MTTP: variants seen among roughly 807,000 people sequenced by gnomAD.
MTTP encodes the protein microsomal triglyceride transfer protein large subunit.
MTTP carries 49 observed loss-of-function variants against 90.6 expected under a neutral mutation model. That is an observed-to-expected ratio of 0.54 (90% CI 0.43 to 0.69). The LOEUF (loss-of-function observed/expected upper bound fraction) is 0.69. Among genes scored for constraint, MTTP ranks in the 30% least tolerant of loss-of-function variants. The pLI is 0.00. For missense variants in MTTP, 945 were observed against 1,067.5 expected (o/e 0.89, Z 1.60); for synonymous variants, 347 against 384.2 (o/e 0.90, Z 1.13).
chr4:99,600,654 G>A lies in MTTP; in HGVS notation c.1157G>A (p.Ser386Asn). ...LDFLDFKSDS[S>N]IILQERFLYA... The stretch of plus-strand genomic sequence containing the variant: ...TTTTTGGATTTCAAAAGTGACAGCA[G>A]CATTATCCTCCAGGAGAGGTTTCTC... Residue 386 changes from serine to asparagine, a missense_variant, in exon 9 of 18, where the codon AGC (serine) becomes AAC (asparagine). Ser to Asn is a conservative substitution (Grantham distance 46). Coordinates refer to ENST00000265517, the MANE Select transcript of MTTP (RefSeq NM_001386140.1). 6.2e-7 allele frequency: 1 copy of A among 1,613,852 alleles called. No individual in the cohort carries two copies. The highest frequency in any genetic ancestry group is 8.5e-7 in the Non-Finnish European group (1 of 1,179,822).
At chr4:99,571,686 T>G (rs1724845700), upstream of MTTP, among the ~76,000 whole-genome samples, 1 of 152,108 alleles carries the variant, frequency 6.6e-6, no homozygotes, top group Admixed American at 6.5e-5. Context: ...TCGTAGAGAA[T>G]TTTTAAACAA....
intron 15 of MTTP, among the ~76,000 whole-genome samples, chr4:99,614,418 A>G (rs1418710737): frequency 6.6e-6 from 1 of 152,242 alleles, no homozygotes; most frequent in African/African-American, 2.4e-5. Flanking sequence ...ATTTGGGATT[A>G]AACAGTGTTA....
chr4:99,572,714 CAT>C (rs1278854200), upstream of MTTP, among the ~76,000 whole-genome samples: 1 of 152,002 alleles, frequency 6.6e-6, no homozygotes, highest in African/African-American at 2.4e-5. Context: ...GTAGTGCTCA[CAT>C]GTTTGCACAG....
rs535831889 is a variant in MTTP, at chr4:99,591,705, A to G, written c.673A>G (p.Ser225Gly). The change falls in exon 6 of 18, where the codon AGC (serine) becomes GGC (glycine). Residue 225 changes from serine to glycine, a missense_variant. Ser to Gly is a moderately conservative substitution (Grantham distance 56). Transcript: ENST00000265517. ...TGTCACCACCTATAAGATAGAAGAC[A>G]GCTTTGTTATAGCTGTGCTTGCTGA... Reference protein sequence around the residue: ...TSVTTYKIEDSFVIAVLAEET... With the variant: ...TSVTTYKIEDGFVIAVLAEET... 2 of 1,613,144 alleles carry G rather than the reference A, an allele frequency of 1.2e-6. No individual in the cohort carries two copies. Among genetic ancestry groups the G allele is most frequent in the African/African-American group, 2.7e-5 (2 of 75,042 alleles).
chr4:99,588,036 C>T (rs1045745434), intron 3 of MTTP, among the ~76,000 whole-genome samples: 1 of 152,080 alleles, frequency 6.6e-6, no homozygotes, highest in African/African-American at 2.4e-5. Flanking sequence ...ATGACTAAAA[C>T]TGATTGCCAG....
intron 2 of MTTP, 151 bp downstream of exon 2, chr4:99,582,243 G>C: frequency 1.2e-6 from 1 of 833,168 alleles, no homozygotes. Flanking sequence ...GTATTTAAAG[G>C]TTTTGCTGAT....
chr4:99,603,714 G>A (rs1045440528), intron 10 of MTTP, among the ~76,000 whole-genome samples: 2 of 152,094 alleles, frequency 1.3e-5, no homozygotes, highest in Admixed American at 1.3e-4. Flanking sequence ...GCCATGTTAA[G>A]TTCAAAATCC....
chr4:99,590,611 C>A (rs892065780), intron 4 of MTTP, among the ~76,000 whole-genome samples: 1 of 151,988 alleles, frequency 6.6e-6, no homozygotes, highest in Non-Finnish European at 1.5e-5. Flanking sequence ...AGGGTTGGAC[C>A]AAAAGAATGT....
intron 4 of MTTP, among the ~76,000 whole-genome samples, chr4:99,590,435 GT>G (rs1471365787): frequency 2.0e-5 from 3 of 152,136 alleles, no homozygotes; most frequent in Non-Finnish European, 4.4e-5. Flanking sequence ...TGGATGCATT[GT>G]CAATGTAGGG....
intron 15 of MTTP, among the ~76,000 whole-genome samples, chr4:99,617,561 G>C (rs1560626857): frequency 6.6e-6 from 1 of 152,126 alleles, no homozygotes; most frequent in Non-Finnish European, 1.5e-5. Context: ...CATCCTGCCG[G>C]TTGCCAGGAA....
At chr4:99,602,148 C>G (rs1725715744) in intron 10 of MTTP, among the ~76,000 whole-genome samples, 1 of 152,096 alleles carries the variant, frequency 6.6e-6, no homozygotes, top group African/African-American at 2.4e-5. Flanking sequence ...TAGAGTAGAA[C>G]TTTGTATATA....
At chr4:99,618,291 C>T (rs1351499815) in intron 15 of MTTP, among the ~76,000 whole-genome samples, 2 of 152,026 alleles carry the variant, frequency 1.3e-5, no homozygotes, top group Admixed American at 1.3e-4. Context: ...AACAAGTTCC[C>T]CTTGGATACT....
Position 99,606,781 on chromosome 4 carries a change from G to A in MTTP, c.1378G>A (p.Gly460Arg). ...GGAAGCTAAGAAGTTAATCCTGGGA[G>A]GACTTGAAAAAGCAGAGAAAAAAGA... ...VVEAKKLILG[G>R]LEKAEKKEDT... The change falls in exon 11 of 18, where the codon GGA (glycine) becomes AGA (arginine). Residue 460 changes from glycine to arginine, a missense_variant. Transcript: ENST00000265517. 1 of 1,613,860 alleles carries A rather than the reference G, an allele frequency of 6.2e-7. No individual in the cohort carries two copies. Among genetic ancestry groups the A allele is most frequent in the Non-Finnish European group, 8.5e-7 (1 of 1,179,970 alleles).
chr4:99,583,698 C>A, intron 3 of MTTP, 181 bp downstream of exon 3: 1 of 733,170 alleles, frequency 1.4e-6, no homozygotes, highest in Non-Finnish European at 2.3e-6. Flanking sequence ...GCCCTGAGTT[C>A]CCTTACATTT....
At chr4:99,571,987 CT>C (rs1211718166), upstream of MTTP, among the ~76,000 whole-genome samples, 1 of 151,714 alleles carries the variant, frequency 6.6e-6, no homozygotes. Context: ...TACATCCTGA[CT>C]TTCTATATCT....
chr4:99,581,040 G>A (rs1249155189), intron 1 of MTTP, among the ~76,000 whole-genome samples: 8 of 152,126 alleles, frequency 5.3e-5, no homozygotes, highest in Non-Finnish European at 1.2e-4. Flanking sequence ...GAGGAATAAG[G>A]TAAACTGAAG....
chr4:99,622,158 T>G (rs1180197538), intron 17 of MTTP, among the ~76,000 whole-genome samples: 1 of 152,250 alleles, frequency 6.6e-6, no homozygotes, highest in Non-Finnish European at 1.5e-5. Context: ...ATATCTAGAA[T>G]GAACCTCCAC....
In MTTP at chr4:99,612,896, A is replaced by AAT; in HGVS notation, c.1990-17_1990-16insAT. The AAT allele has an allele frequency of 6.2e-7, 1 of 1,604,262 alleles. No homozygotes were observed. The highest frequency in any genetic ancestry group is 8.5e-7 in the Non-Finnish European group (1 of 1,171,230). ...GCAGGGAGCTTGCGTCATGAACATTATATTGATTTTATCCAGGTGGTTATT... is the reference window on the plus strand; with the variant it reads ...GCAGGGAGCTTGCGTCATGAACATTAATTATTGATTTTATCCAGGTGGTTATT... On this transcript the variant is annotated splice_polypyrimidine_tract_variant and intron_variant, in intron 14 of 17. Transcript: ENST00000265517.
intron 6 of MTTP, among the ~76,000 whole-genome samples, chr4:99,593,977 A>G (rs1314869591): frequency 6.6e-6 from 1 of 152,188 alleles, no homozygotes; most frequent in East Asian, 1.9e-4. Flanking sequence ...AGTTTCAGAC[A>G]GTCAAACTAT....
Sources: gnomAD v4.1 joint callset for allele counts (sites outside exome capture counted in the v4.1 genomes callset) on GRCh38, gnomAD v4.1.1 for gene constraint, MANE v1.5 for transcripts, NCBI Gene and HGNC (gene_info 2026-07-23, HGNC 2026-07-21) for gene names.